The following WAC variants were observed in gnomAD, a reference collection of about 807,000 sequenced individuals.
WAC encodes the protein WW domain containing adaptor with coiled-coil.
In WAC, 11 loss-of-function variants were observed where a neutral mutation model predicts 79.6. That is an observed-to-expected ratio of 0.14 (90% CI 0.09 to 0.23). WAC has a LOEUF of 0.23. Among genes scored for constraint, WAC ranks in the 10% least tolerant of loss-of-function variants. The probability of loss-of-function intolerance (pLI) is 1.00; values close to 1 mark genes in which losing one functional copy is unlikely to be tolerated. For synonymous variants in WAC, 304 were observed against 276.9 expected (o/e 1.10, Z -0.97); for missense variants, 728 against 773.5 (o/e 0.94, Z 0.70).
intron 4 of WAC, among the ~76,000 whole-genome samples, chr10:28,585,172 C>A (rs534712487): frequency 6.6e-6 from 1 of 152,118 alleles, no homozygotes; most frequent in Non-Finnish European, 1.5e-5. Flanking sequence ...GTAACACATA[C>A]AGTAATCACC....
At chr10:28,536,299 G>T (rs1045387193) in intron 3 of WAC, among the ~76,000 whole-genome samples, 1 of 150,586 alleles carries the variant, frequency 6.6e-6, no homozygotes, top group Non-Finnish European at 1.5e-5. Context: ...ATGCATTTAT[G>T]AATATAGTTT....
chr10:28,535,697 A>G lies in WAC; in HGVS notation c.214A>G (p.Ser72Gly). ...SDSPENKYSD[S>G]TGHSKAKNVH... is the part of the protein sequence containing the mutation. ...TAGTCCTGAAAACAAATACAGTGAC[A>G]GCACAGGTCACAGTAAGGCCAAAAA... Residue 72 changes from serine (S) to glycine (G), a missense_variant, in exon 3 of 14, where the codon AGC becomes GGC. Transcript: ENST00000354911. 1 of 1,614,172 alleles carries G rather than the reference A, an allele frequency of 6.2e-7. No individual in the cohort carries two copies. Among genetic ancestry groups the G allele is most frequent in the Non-Finnish European group, 8.5e-7 (1 of 1,180,032 alleles).
At chr10:28,585,488 G>A (rs979403092) in intron 4 of WAC, among the ~76,000 whole-genome samples, 4 of 152,024 alleles carry the variant, frequency 2.6e-5, no homozygotes, top group Non-Finnish European at 5.9e-5. Context: ...AGCTCGCTAA[G>A]CCTTCACGCG....
chr10:28,550,738 T>C (rs1837621871), intron 3 of WAC, among the ~76,000 whole-genome samples: 1 of 152,196 alleles, frequency 6.6e-6, no homozygotes, highest in South Asian at 2.1e-4. Flanking sequence ...TTGAAGTTGC[T>C]CTTGTATTAT....
chr10:28,618,766 T>G (rs1176240656), intron 13 of WAC, among the ~76,000 whole-genome samples: 5 of 152,356 alleles, frequency 3.3e-5, no homozygotes, highest in African/African-American at 1.2e-4. Context: ...TTTTGGTTTT[T>G]GGCTTCATTT....
chr10:28,619,515 A>G, intron 13 of WAC, 22 bp from the exon 14 acceptor site: 1 of 1,554,954 alleles, frequency 6.4e-7, no homozygotes, highest in Non-Finnish European at 8.7e-7. Context: ...CACAGGTTCT[A>G]ATGTCTGCTT....
chr10:28,579,497 A>G (rs982984420), intron 3 of WAC, among the ~76,000 whole-genome samples: 1 of 152,184 alleles, frequency 6.6e-6, no homozygotes, highest in East Asian at 1.9e-4. Flanking sequence ...GTCTTACTAT[A>G]TTCTTTCTCT....
chr10:28,600,834 A>T (rs1840606387), intron 7 of WAC, among the ~76,000 whole-genome samples: 2 of 152,180 alleles, frequency 1.3e-5, no homozygotes, highest in Non-Finnish European at 1.5e-5. Context: ...TTAAAGATAC[A>T]TAAAAAGATA....
intron 3 of WAC, among the ~76,000 whole-genome samples, chr10:28,546,772 T>C (rs908017992): frequency 1.3e-5 from 2 of 152,186 alleles, no homozygotes; most frequent in Non-Finnish European, 2.9e-5. Flanking sequence ...TTGTGAACTT[T>C]GCTGCTTTGT....
rs896122995 is a variant in WAC, at chr10:28,621,416, A to G, written c.*1810A>G. ...ATGTTCAGGCTTTTCAGTAAGCTCA[A>G]AAAGTTAACTGTAAGCGATAGTGTT... On this transcript the variant is annotated 3_prime_UTR_variant, in exon 14 of 14. Coordinates refer to ENST00000354911, the MANE Select transcript of WAC (RefSeq NM_016628.5). 6.6e-6 allele frequency: 1 copy of G among 152,080 alleles called. No homozygotes were observed. The highest frequency in any genetic ancestry group is 1.5e-5 in the Non-Finnish European group (1 of 68,036). 9.4% of individuals were successfully genotyped at this position (152,080 alleles called of 1,614,324 possible).
intron 3 of WAC, chr10:28,538,324 G>A (rs117296823): frequency 0.011 from 3,708 of 332,002 alleles, 43 homozygotes; most frequent in Non-Finnish European, 0.018. Flanking sequence ...GGCTCACGCC[G>A]GAATCTCAGC....
chr10:28,550,040 C>T (rs917229235), intron 3 of WAC, among the ~76,000 whole-genome samples: 51 of 152,042 alleles, frequency 3.4e-4, no homozygotes, highest in African/African-American at 1.1e-3. Context: ...GTGGCCAGCA[C>T]CTGTAATCCC....
intron 3 of WAC, among the ~76,000 whole-genome samples, chr10:28,566,156 A>G (rs1429658338): frequency 6.6e-6 from 1 of 152,220 alleles, no homozygotes; most frequent in Non-Finnish European, 1.5e-5. Flanking sequence ...ACAAAGCTCC[A>G]GGGAAGAATA....
At chr10:28,603,981 A>ATATATG (rs1840792838) in intron 7 of WAC, among the ~76,000 whole-genome samples, 1 of 51,786 alleles carries the variant, frequency 1.9e-5, no homozygotes, top group African/African-American at 7.6e-5. Context: ...ATATATATAT[A>ATATATG]TATATATGTA....
chr10:28,551,976 G>A (rs1319893665), intron 3 of WAC, among the ~76,000 whole-genome samples: 1 of 151,850 alleles, frequency 6.6e-6, no homozygotes, highest in Non-Finnish European at 1.5e-5. Flanking sequence ...CCAGGCATGC[G>A]CCACGACGCC....
rs1381861207 is a variant in WAC at position 28,534,048 on chromosome 10, C to T, written c.78+14C>T. 1 of 1,575,340 alleles carries T rather than the reference C, an allele frequency of 6.3e-7. No individual in the cohort carries two copies. The highest frequency in any genetic ancestry group is 1.8e-5 in the Admixed American group (1 of 54,816). ...CAGCCTTACCAGGTACCAGCCGAGG[C>T]CGGGGTGGAGGGATTGGAAGGGGCC... On this transcript the variant is annotated intron_variant, in intron 2 of 13. Transcript: ENST00000354911.
At chr10:28,610,925 G>GT (rs1238115913) in intron 9 of WAC, 104 bp downstream of exon 9, 10 of 1,016,902 alleles carry the variant, frequency 9.8e-6, no homozygotes, top group African/African-American at 3.5e-5. Flanking sequence ...TTTTTTTTTA[G>GT]TTTTTTAAGA....
At chr10:28,605,315 C>G (rs563006748) in intron 7 of WAC, among the ~76,000 whole-genome samples, 1 of 152,206 alleles carries the variant, frequency 6.6e-6, no homozygotes, top group Non-Finnish European at 1.5e-5. Context: ...CATAGAACTT[C>G]TACAAGTTGT....
At position 28,590,696 on chromosome 10, in the gene WAC, G is replaced by GT. The variant is rs550751211; in HGVS notation, c.498-21dup. ...CATGCCCTTAATGTAATTTTTATAT[G>GT]TTTATCTTTTTTTTTATTTTTAGAG... On this transcript the variant is annotated intron_variant, in intron 5 of 13. Transcript: ENST00000354911. 2.4e-4 allele frequency: 378 copies of GT among 1,543,512 alleles called. 3 individuals carry two copies. The East Asian group carries it at 9.1e-3, about 37-fold the overall frequency.
Sources: allele counts gnomAD v4.1 joint callset (sites outside exome capture counted in the v4.1 genomes callset), GRCh38; gene constraint gnomAD v4.1.1; transcripts MANE v1.5; gene names NCBI Gene and HGNC (gene_info 2026-07-23, HGNC 2026-07-21).